The following XPR1 variants were observed in gnomAD, a reference collection of about 807,000 sequenced individuals.
XPR1 encodes solute carrier family 53 member 1.
Under a neutral mutation model 87.5 loss-of-function variants are expected in XPR1, and 28 were observed. That is an observed-to-expected ratio of 0.32 (90% confidence interval 0.24 to 0.44). The LOEUF (loss-of-function observed/expected upper bound fraction) is 0.44, where lower values mean the gene tolerates loss of function less well. Among genes scored for constraint, XPR1 ranks in the 20% least tolerant of loss-of-function variants. The pLI is 1.00. For missense variants in XPR1, 559 were observed against 862.3 expected (o/e 0.65, Z 4.41); for synonymous variants, 300 against 306.1 (o/e 0.98, Z 0.21).
chr1:180,878,566 T>C (rs748209494), intron 13 of XPR1, among the ~76,000 whole-genome samples: 1 of 152,216 alleles, frequency 6.6e-6, no homozygotes, highest in Non-Finnish European at 1.5e-5. Flanking sequence ...GTAGGTGCTG[T>C]TATCATGTCT....
At chr1:180,696,807 G>A (rs959615980) in intron 2 of XPR1, among the ~76,000 whole-genome samples, 1 of 152,156 alleles carries the variant, frequency 6.6e-6, no homozygotes, top group African/African-American at 2.4e-5. Context: ...TGTGTATGTT[G>A]AGCCATCCTT....
At chr1:180,718,013 A>G (rs1329812805) in intron 2 of XPR1, among the ~76,000 whole-genome samples, 1 of 152,228 alleles carries the variant, frequency 6.6e-6, no homozygotes, top group African/African-American at 2.4e-5. Context: ...ATTACAGTTA[A>G]TATAATCTAA....
chr1:180,833,275 G>T (rs979845110), intron 9 of XPR1, among the ~76,000 whole-genome samples: 2 of 151,984 alleles, frequency 1.3e-5, no homozygotes, highest in Admixed American at 6.6e-5. Context: ...TCAATTAATG[G>T]GCAAAATAAC....
intron 13 of XPR1, among the ~76,000 whole-genome samples, chr1:180,875,259 C>G (rs1161911436): frequency 2.0e-5 from 3 of 152,046 alleles, no homozygotes; most frequent in African/African-American, 4.8e-5. Context: ...CCTGTAATCC[C>G]AGCATTTTGG....
At chr1:180,746,455 T>G (rs1255934078) in intron 2 of XPR1, among the ~76,000 whole-genome samples, 1 of 152,228 alleles carries the variant, frequency 6.6e-6, no homozygotes, top group East Asian at 1.9e-4. Context: ...ATTATTTTGT[T>G]CTTTCTTATG....
intron 7 of XPR1, among the ~76,000 whole-genome samples, chr1:180,823,240 C>A (rs143328891): frequency 3.9e-4 from 53 of 135,954 alleles, no homozygotes; most frequent in Non-Finnish European, 3.6e-4. Context: ...GACTCCATCT[C>A]AAAAAAAAAA....
At position 180,780,598 on chromosome 1, in the gene XPR1, C is replaced by T. The variant is rs184415962; in HGVS notation, c.122-7155C>T. Among the ~76,000 whole-genome samples the T allele has an allele frequency of 5.3e-5, 8 of 152,146 alleles. No individual in the cohort carries two copies. In the East Asian group the frequency reaches 1.5e-3, roughly 29 times the overall value. On this transcript the variant is annotated intron_variant, in intron 2 of 14. Coordinates refer to ENST00000367590, the MANE Select transcript of XPR1 (RefSeq NM_004736.4). ...CCTGGCTAACATGGTGAAACCCCATCTCTACTAAAAATACAAAAAATTAGC... is the reference window on the plus strand; with the variant it reads ...CCTGGCTAACATGGTGAAACCCCATTTCTACTAAAAATACAAAAAATTAGC...
chr1:180,884,030 A>G lies in XPR1; in HGVS notation c.2055A>G (p.Val685=). ...GATCCAAGGCTCGTGACACTAAGGT[A>G]TTGATAGAAGACACAGATGATGAAG... ...ASQSKARDTK[V]LIEDTDDEAN... Residue 685 remains valine, a synonymous_variant, in exon 15 of 15, where the codon GTA becomes GTG. Transcript: ENST00000367590. 6.2e-7 allele frequency: 1 copy of G among 1,614,058 alleles called. No individual in the cohort carries two copies.
At chr1:180,646,881 C>T (rs1350765617) in intron 1 of XPR1, among the ~76,000 whole-genome samples, 1 of 152,194 alleles carries the variant, frequency 6.6e-6, no homozygotes, top group Non-Finnish European at 1.5e-5. Context: ...GTACATCAAT[C>T]CTCTTTCTAC....
At chr1:180,666,269 C>T (rs895516500) in intron 1 of XPR1, among the ~76,000 whole-genome samples, 8 of 152,288 alleles carry the variant, frequency 5.3e-5, no homozygotes, top group African/African-American at 1.2e-4. Flanking sequence ...AGCTGTTCAG[C>T]GTCCCTTGAG....
chr1:180,750,878 A>G (rs1557989030), intron 2 of XPR1, among the ~76,000 whole-genome samples: 1 of 152,058 alleles, frequency 6.6e-6, no homozygotes. Context: ...TAGTCCACGA[A>G]CATGATACAC....
At position 180,819,567 on chromosome 1, in the gene XPR1, G is replaced by A. The variant is rs147306206; in HGVS notation, c.764-5186G>A. Among the ~76,000 whole-genome samples, 81 of 152,194 alleles carry A rather than the reference G, an allele frequency of 5.3e-4. 1 individual carries two copies. Among genetic ancestry groups the A allele is most frequent in the African/African-American group, 1.9e-3 (77 of 41,530 alleles). On this transcript the variant is annotated intron_variant, in intron 7 of 14. Coordinates refer to ENST00000367590, the MANE Select transcript of XPR1 (RefSeq NM_004736.4). Reference sequence around the variant, plus strand: ...TTCATGGCAATTTTCTTCCTATGTAGGACAGAATACTACTGTTGCTAGGGT... The same window carrying A: ...TTCATGGCAATTTTCTTCCTATGTAAGACAGAATACTACTGTTGCTAGGGT...
chr1:180,718,700 ACT>A (rs1332011552), intron 2 of XPR1, among the ~76,000 whole-genome samples: 3 of 139,736 alleles, frequency 2.1e-5, no homozygotes, highest in Non-Finnish European at 4.6e-5. Flanking sequence ...ACAGAGTCTC[ACT>A]CTGTCTCCCA....
At chr1:180,718,896 T>G in intron 2 of XPR1, among the ~76,000 whole-genome samples, 1 of 152,110 alleles carries the variant, frequency 6.6e-6, no homozygotes, top group East Asian at 1.9e-4. Context: ...CTCAATCTCC[T>G]GACCTCATGA....
At chr1:180,689,398 T>C (rs1656904609) in intron 2 of XPR1, among the ~76,000 whole-genome samples, 1 of 152,210 alleles carries the variant, frequency 6.6e-6, no homozygotes, top group South Asian at 2.1e-4. Flanking sequence ...TTTAAAACAT[T>C]ACTTTGAAAA....
chr1:180,808,958 A>G (rs1050503488), intron 6 of XPR1, among the ~76,000 whole-genome samples: 6 of 152,214 alleles, frequency 3.9e-5, no homozygotes, highest in Non-Finnish European at 8.8e-5. Context: ...GTGCAAATAT[A>G]TGTTCATATA....
rs375364457 is a variant in XPR1 at position 180,788,767 on chromosome 1, T to C, written c.223+913T>C. 1.8e-4 allele frequency among the ~76,000 whole-genome samples: 27 copies of C among 152,360 alleles called. No individual in the cohort carries two copies. In the South Asian group the frequency reaches 5.4e-3, roughly 30 times the overall value. ...CATTACATGCCTGCTATTGAGAATA[T>C]ATTCTCATCTCTTGGCAAAGACTTT... On this transcript the variant is annotated intron_variant, in intron 3 of 14. Coordinates refer to ENST00000367590, the MANE Select transcript of XPR1 (RefSeq NM_004736.4).
intron 2 of XPR1, among the ~76,000 whole-genome samples, chr1:180,733,025 G>T (rs754454800): frequency 1.3e-5 from 2 of 152,142 alleles, no homozygotes; most frequent in African/African-American, 2.4e-5. Context: ...CTTGTTGGTG[G>T]CCCACCGGCG....
chr1:180,850,181 A>G (rs1451625524), intron 11 of XPR1, among the ~76,000 whole-genome samples: 1 of 152,206 alleles, frequency 6.6e-6, no homozygotes, highest in Non-Finnish European at 1.5e-5. Context: ...GAAAAATGAA[A>G]TGAAGGTTTA....
Sources: allele counts gnomAD v4.1 joint callset (sites outside exome capture counted in the v4.1 genomes callset), GRCh38; gene constraint gnomAD v4.1.1; transcripts MANE v1.5; gene names NCBI Gene and HGNC (gene_info 2026-07-23, HGNC 2026-07-21).